Variants in UBAC2 observed in about 807,000 individuals in gnomAD.
The protein encoded by UBAC2 is UBA domain containing 2.
Under a neutral mutation model 44.0 loss-of-function variants are expected in UBAC2, and 26 were observed. That is an observed-to-expected ratio of 0.59 (90% CI 0.43 to 0.82). UBAC2 has a LOEUF of 0.82. UBAC2 is among the 40% of genes least tolerant of loss of function. The pLI, the probability that UBAC2 is intolerant of heterozygous loss-of-function variation, is 0.00. For synonymous variants in UBAC2, 155 were observed against 154.3 expected, an observed-to-expected ratio of 1.00 and a Z score of -0.04; for missense variants, 329 against 419.4, an observed-to-expected ratio of 0.78 and a Z score of 1.88.
At chr13:99,247,496 G>C (rs2043401597) in intron 4 of UBAC2, among the ~76,000 whole-genome samples, 1 of 151,670 alleles carries the variant, frequency 6.6e-6, no homozygotes, top group South Asian at 2.1e-4. Flanking sequence ...TTACAGGCGT[G>C]AGCCACCGCG....
chr13:99,259,173 A>G (rs1191431332), intron 4 of UBAC2, among the ~76,000 whole-genome samples: 2 of 152,190 alleles, frequency 1.3e-5, no homozygotes, highest in Admixed American at 6.5e-5. Context: ...CTGCCTTGTT[A>G]GGTTAATTTT....
At chr13:99,351,411 A>G (rs1297471760) in intron 7 of UBAC2, 2 of 388,668 alleles carry the variant, frequency 5.1e-6, no homozygotes, top group African/African-American at 2.1e-5. Context: ...TATATAGGTA[A>G]CTACATAGTA....
intron 6 of UBAC2, among the ~76,000 whole-genome samples, chr13:99,332,563 T>C (rs971943735): frequency 6.6e-6 from 1 of 152,184 alleles, no homozygotes; most frequent in Non-Finnish European, 1.5e-5. Context: ...TGGCCTAGAC[T>C]CTCAGCTGGA....
intron 7 of UBAC2, among the ~76,000 whole-genome samples, chr13:99,363,436 T>A (rs1457653760): frequency 6.6e-6 from 1 of 152,224 alleles, no homozygotes; most frequent in Non-Finnish European, 1.5e-5. Flanking sequence ...ACATGACAGA[T>A]AACACAACAT....
At chr13:99,370,929 A>T (rs556808976) in intron 8 of UBAC2, among the ~76,000 whole-genome samples, 16 of 152,342 alleles carry the variant, frequency 1.1e-4, no homozygotes, top group East Asian at 1.9e-4. Context: ...TTCCTATAAC[A>T]TGTTTAAAAA....
intron 8 of UBAC2, among the ~76,000 whole-genome samples, chr13:99,368,854 A>G (rs1044994342): frequency 1.8e-4 from 28 of 152,230 alleles, no homozygotes; most frequent in African/African-American, 6.7e-4. Flanking sequence ...CCTATTTAGG[A>G]AAACGGTGGA....
At chr13:99,215,798 C>CT (rs760353744) in intron 1 of UBAC2, 222 of 757,616 alleles carry the variant, frequency 2.9e-4, no homozygotes, top group Admixed American at 1.6e-3. Flanking sequence ...AGAGAAAGGG[C>CT]TAATCAGACC....
At chr13:99,337,444 C>T (rs1286918989) in intron 6 of UBAC2, among the ~76,000 whole-genome samples, 3 of 151,116 alleles carry the variant, frequency 2.0e-5, no homozygotes, top group Non-Finnish European at 3.0e-5. Flanking sequence ...TTTATTTTTT[C>T]TTTCTAAACA....
intron 6 of UBAC2, among the ~76,000 whole-genome samples, chr13:99,325,195 C>T (rs1594129065): frequency 6.6e-6 from 1 of 150,964 alleles, no homozygotes; most frequent in South Asian, 2.1e-4. Context: ...CTCCACCTCC[C>T]GGGTTCACAC....
chr13:99,285,091 G>T (rs2044001076), intron 4 of UBAC2, among the ~76,000 whole-genome samples: 1 of 151,842 alleles, frequency 6.6e-6, no homozygotes, highest in Admixed American at 6.6e-5. Flanking sequence ...CTCTAAAATG[G>T]CATTTCTTAT....
intron 7 of UBAC2, among the ~76,000 whole-genome samples, chr13:99,361,540 G>A (rs1250680990): frequency 6.6e-6 from 1 of 152,198 alleles, no homozygotes; most frequent in Admixed American, 6.5e-5. Context: ...TGGAGTGGGT[G>A]TGTTGTGTGC....
chr13:99,349,762 C>T (rs934897836), intron 7 of UBAC2, among the ~76,000 whole-genome samples: 116 of 152,286 alleles, frequency 7.6e-4, no homozygotes, highest in African/African-American at 2.6e-3. Context: ...ACCAGGAGTA[C>T]GGGAGGAACA....
intron 1 of UBAC2, among the ~76,000 whole-genome samples, chr13:99,213,963 T>C (rs1488345010): frequency 6.6e-6 from 1 of 151,840 alleles, no homozygotes; most frequent in African/African-American, 2.4e-5. Flanking sequence ...GGATTACAGG[T>C]GTGCACCACC....
intron 7 of UBAC2, among the ~76,000 whole-genome samples, chr13:99,355,914 C>T (rs1433838979): frequency 1.3e-5 from 2 of 152,242 alleles, no homozygotes; most frequent in Non-Finnish European, 2.9e-5. Context: ...CCTGCACCTC[C>T]AGGGCCTCCC....
At chr13:99,362,029 A>G (rs1450017225) in intron 7 of UBAC2, among the ~76,000 whole-genome samples, 1 of 152,126 alleles carries the variant, frequency 6.6e-6, no homozygotes, top group Non-Finnish European at 1.5e-5. Context: ...AAAATAGTAT[A>G]TATACTCGTG....
chr13:99,229,518 A>AC lies in UBAC2; in HGVS notation c.32-8907dup, dbSNP rs1478920323. On this transcript the variant is annotated intron_variant, in intron 1 of 8. Transcript: ENST00000403766. ...CCCAGAATGTAGGGAGGTCTGGACA[A>AC]CCAGGGACAGTGACTTGTCATTTGA... Among the ~76,000 whole-genome samples, 3 of 152,344 alleles carry AC rather than the reference A, an allele frequency of 2.0e-5. No individual in the cohort carries two copies. In the East Asian group the frequency reaches 5.8e-4, roughly 29 times the overall value.
chr13:99,380,723 A>G (rs543598379), intron 8 of UBAC2, among the ~76,000 whole-genome samples: 21 of 152,332 alleles, frequency 1.4e-4, no homozygotes, highest in African/African-American at 4.6e-4. Flanking sequence ...TTTGGACACT[A>G]TGGGAAACCT....
At chr13:99,261,367 G>A (rs1318009749) in intron 4 of UBAC2, among the ~76,000 whole-genome samples, 2 of 152,242 alleles carry the variant, frequency 1.3e-5, no homozygotes, top group East Asian at 1.9e-4. Flanking sequence ...CTCTTTGGGT[G>A]TGGGTGTAGG....
At chr13:99,316,148 G>C (rs2044485981) in intron 5 of UBAC2, among the ~76,000 whole-genome samples, 1 of 151,978 alleles carries the variant, frequency 6.6e-6, no homozygotes, top group African/African-American at 2.4e-5. Context: ...CTTTGAGAGG[G>C]AGAAGTTGAG....
Sources: allele counts gnomAD v4.1 joint callset (sites outside exome capture counted in the v4.1 genomes callset), GRCh38; gene constraint gnomAD v4.1.1; transcripts MANE v1.5; gene names NCBI Gene and HGNC (gene_info 2026-07-23, HGNC 2026-07-21).